The following PARP8 variants were observed in gnomAD, a reference collection of about 807,000 sequenced individuals.
The protein encoded by PARP8 is protein mono-ADP-ribosyltransferase PARP8.
In PARP8, 51 loss-of-function variants were observed where a neutral mutation model predicts 124.1. The observed-to-expected ratio is 0.41, with a 90% CI of 0.33 to 0.52. The LOEUF is 0.52. Among genes scored for constraint, PARP8 ranks in the 20% least tolerant of loss-of-function variants. The probability of loss-of-function intolerance (pLI) is 0.21; values close to 1 mark genes in which losing one functional copy is unlikely to be tolerated. For missense variants in PARP8, 860 were observed against 1,018.9 expected, an observed-to-expected ratio of 0.84 and a Z score of 2.12; for synonymous variants, 391 against 361.5, an observed-to-expected ratio of 1.08 and a Z score of -0.93.
chr5:50,825,276 G>A (rs1239109572), intron 18 of PARP8, among the ~76,000 whole-genome samples: 1 of 152,194 alleles, frequency 6.6e-6, no homozygotes, highest in African/African-American at 2.4e-5. Flanking sequence ...AGCTTATGTG[G>A]CAAAAGCATT....
intron 2 of PARP8, among the ~76,000 whole-genome samples, chr5:50,722,860 A>T (rs1756042729): frequency 6.6e-6 from 1 of 152,124 alleles, no homozygotes. Context: ...CATCAAGAAG[A>T]TATTTCAGTT....
At chr5:50,798,582 G>A (rs1231699476) in intron 14 of PARP8, among the ~76,000 whole-genome samples, 27 of 151,868 alleles carry the variant, frequency 1.8e-4, no homozygotes, top group South Asian at 4.2e-4. Context: ...CACCACGCCC[G>A]GCTGATTTTT....
At chr5:50,730,600 G>A (rs371932916) in intron 2 of PARP8, among the ~76,000 whole-genome samples, 21 of 152,110 alleles carry the variant, frequency 1.4e-4, no homozygotes, top group Middle Eastern at 6.8e-3. Context: ...ATTTGGTTGC[G>A]GACACAGCCA....
chr5:50,675,195 T>A (rs1461382061), intron 2 of PARP8, among the ~76,000 whole-genome samples: 3 of 152,238 alleles, frequency 2.0e-5, no homozygotes. Flanking sequence ...GCTGGTTGAC[T>A]TCCCCTAGGA....
intron 2 of PARP8, among the ~76,000 whole-genome samples, chr5:50,720,233 A>C (rs142458743): frequency 1.3e-5 from 2 of 152,220 alleles, no homozygotes; most frequent in East Asian, 3.9e-4. Context: ...GTTTGCATTC[A>C]GTGGGGATTT....
intron 2 of PARP8, among the ~76,000 whole-genome samples, chr5:50,692,601 T>TTC (rs1752614368): frequency 6.6e-6 from 1 of 152,144 alleles, no homozygotes; most frequent in Non-Finnish European, 1.5e-5. Context: ...AAGGAATGAA[T>TTC]GCTCTTGGGA....
chr5:50,820,299 G>A (rs1250425679), intron 15 of PARP8, among the ~76,000 whole-genome samples: 1 of 152,140 alleles, frequency 6.6e-6, no homozygotes, highest in Non-Finnish European at 1.5e-5. Flanking sequence ...TCTAGAAATA[G>A]CTTTCCCTAT....
At chr5:50,800,608 T>C (rs1039838666) in intron 14 of PARP8, among the ~76,000 whole-genome samples, 1 of 152,234 alleles carries the variant, frequency 6.6e-6, no homozygotes, top group Non-Finnish European at 1.5e-5. Context: ...TAGGTGGTTT[T>C]ATAATCATGA....
intron 2 of PARP8, among the ~76,000 whole-genome samples, chr5:50,744,076 G>T (rs771945420): frequency 6.6e-6 from 1 of 152,188 alleles, no homozygotes; most frequent in Non-Finnish European, 1.5e-5. Flanking sequence ...GGAGTTTGAC[G>T]TTACAGATGG....
At position 50,821,303 on chromosome 5, in the gene PARP8, C is replaced by G; in HGVS notation, c.1759C>G (p.Pro587Ala). The change falls in exon 16 of 26, where the codon CCT becomes GCT. Residue 587 changes from proline to alanine, a missense_variant. Coordinates refer to ENST00000281631, the MANE Select transcript of PARP8 (RefSeq NM_024615.4). ...IFEPYPSVVD[P>A]NDPQMLAFNP... ...CGAGCCATATCCTTCTGTGGTAGAT[C>G]CTAATGATCCTCAGATGTTGGCCTT... 1 of 1,614,004 alleles carries G rather than the reference C, an allele frequency of 6.2e-7. No homozygotes were observed. The highest frequency in any genetic ancestry group is 8.5e-7 in the Non-Finnish European group (1 of 1,179,944).
At chr5:50,779,873 C>T (rs1247810366) in intron 9 of PARP8, among the ~76,000 whole-genome samples, 3 of 152,142 alleles carry the variant, frequency 2.0e-5, no homozygotes, top group South Asian at 4.2e-4. Context: ...AAGTTAGTCA[C>T]TTGTTTTCTG....
intron 2 of PARP8, chr5:50,741,721 T>G (rs555521844): frequency 9.7e-5 from 29 of 298,816 alleles, no homozygotes; most frequent in African/African-American, 6.0e-4. Flanking sequence ...ACTTAATGTT[T>G]GTTGGGCAAG....
At chr5:50,733,955 A>G (rs1757238972) in intron 2 of PARP8, among the ~76,000 whole-genome samples, 2 of 152,202 alleles carry the variant, frequency 1.3e-5, no homozygotes, top group South Asian at 4.1e-4. Flanking sequence ...TGTCTTATGT[A>G]TAGCATTTCC....
chr5:50,750,999 A>G (rs1759194601), intron 3 of PARP8, among the ~76,000 whole-genome samples: 1 of 152,178 alleles, frequency 6.6e-6, no homozygotes, highest in South Asian at 2.1e-4. Flanking sequence ...TTTGCCAAGT[A>G]TGTTATGAAA....
intron 9 of PARP8, among the ~76,000 whole-genome samples, chr5:50,779,870 T>A (rs1452533717): frequency 6.6e-6 from 1 of 152,172 alleles, no homozygotes; most frequent in Non-Finnish European, 1.5e-5. Flanking sequence ...TTAAAGTTAG[T>A]CACTTGTTTT....
At chr5:50,829,467 T>C (rs916438127) in intron 21 of PARP8, among the ~76,000 whole-genome samples, 2 of 152,166 alleles carry the variant, frequency 1.3e-5, no homozygotes, top group African/African-American at 4.8e-5. Context: ...TTATGTAACC[T>C]GAAAAATGTA....
intron 17 of PARP8, among the ~76,000 whole-genome samples, chr5:50,824,697 T>C (rs542980470): frequency 6.6e-6 from 1 of 151,782 alleles, no homozygotes; most frequent in Non-Finnish European, 1.5e-5. Context: ...TTTAACACAG[T>C]GTTTGGGCAA....
At chr5:50,755,306 G>A (rs1490253039) in intron 3 of PARP8, among the ~76,000 whole-genome samples, 1 of 152,056 alleles carries the variant, frequency 6.6e-6, no homozygotes, top group African/African-American at 2.4e-5. Context: ...GGGTTTTTAT[G>A]GTGTTAGGTC....
At chr5:50,818,763 T>C (rs1745410499) in intron 15 of PARP8, among the ~76,000 whole-genome samples, 1 of 152,198 alleles carries the variant, frequency 6.6e-6, no homozygotes, top group African/African-American at 2.4e-5. Context: ...CAAATTGTAT[T>C]ATAAATGTTT....
Sources: gnomAD v4.1 joint callset for allele counts (sites outside exome capture counted in the v4.1 genomes callset) on GRCh38, gnomAD v4.1.1 for gene constraint, MANE v1.5 for transcripts, NCBI Gene and HGNC (gene_info 2026-07-23, HGNC 2026-07-21) for gene names.